Variants in QRICH1 observed in about 807,000 individuals in gnomAD.
QRICH1 encodes transcriptional regulator QRICH1.
Under a neutral mutation model 87.1 loss-of-function variants are expected in QRICH1, and 16 were observed. That is an observed-to-expected ratio of 0.18 (90% CI 0.12 to 0.28). QRICH1 has a LOEUF of 0.28. Ranked by LOEUF, QRICH1 falls within the 10% of genes least tolerant of loss-of-function variation. The pLI is 1.00. For synonymous variants in QRICH1, 367 were observed against 368.4 expected, an observed-to-expected ratio of 1.00 and a Z score of 0.05; for missense variants, 647 against 951.7, an observed-to-expected ratio of 0.68 and a Z score of 4.21.
chr3:49,088,854 GCT>G (rs2042220220), intron 1 of QRICH1, among the ~76,000 whole-genome samples: 1 of 151,202 alleles, frequency 6.6e-6, no homozygotes, highest in Non-Finnish European at 1.5e-5. Flanking sequence ...CAACTCCGGG[GCT>G]CAAGCAATCC....
At chr3:49,066,047 G>A (rs1372909178) in intron 2 of QRICH1, among the ~76,000 whole-genome samples, 1 of 152,142 alleles carries the variant, frequency 6.6e-6, no homozygotes, top group African/African-American at 2.4e-5. Context: ...CACTTTGGGA[G>A]GCTAAAGCTG....
In QRICH1 at chr3:49,030,516, C is replaced by T; in HGVS notation, c.2267G>A (p.Arg756Gln). 6.2e-7 allele frequency: 1 copy of T among 1,614,060 alleles called. No individual in the cohort carries two copies. The highest frequency in any genetic ancestry group is 8.5e-7 in the Non-Finnish European group (1 of 1,180,026). ...CTGAATTTCTCTTATCACCAGGATCCGCGTCAGCATTTGTCCCATCTGCTC... is the reference window on the plus strand; with the variant it reads ...CTGAATTTCTCTTATCACCAGGATCTGCGTCAGCATTTGTCCCATCTGCTC... ...SREQMGQMLTRILVIREIQEA... is the reference protein window; with the variant it reads ...SREQMGQMLTQILVIREIQEA... Residue 756 changes from arginine to glutamine, a missense_variant, in exon 10 of 10, where the codon CGG becomes CAG. Around this residue, in one of 7 missense-constraint regions of QRICH1, gnomAD observed 56 missense variants for 79.4 expected, o/e 0.71. Coordinates refer to ENST00000395443, the MANE Select transcript of QRICH1 (RefSeq NM_198880.3).
intron 2 of QRICH1, among the ~76,000 whole-genome samples, chr3:49,075,924 C>G (rs1167704095): frequency 6.6e-6 from 1 of 151,834 alleles, no homozygotes; most frequent in East Asian, 1.9e-4. Context: ...GAATGAGACT[C>G]TGTCTCAAAA....
At chr3:49,031,061 A>C in intron 9 of QRICH1, among the ~76,000 whole-genome samples, 1 of 142,018 alleles carries the variant, frequency 7.0e-6, no homozygotes. Flanking sequence ...ATCTCAGCTC[A>C]CTGCAACCTC....
chr3:49,076,181 T>A (rs1366404607), intron 2 of QRICH1, among the ~76,000 whole-genome samples: 1 of 152,002 alleles, frequency 6.6e-6, no homozygotes, highest in African/African-American at 2.4e-5. Context: ...AGTGCAAGAC[T>A]CCATCTCAAA....
chr3:49,070,871 G>C (rs926482771), intron 2 of QRICH1, among the ~76,000 whole-genome samples: 1 of 152,068 alleles, frequency 6.6e-6, no homozygotes, highest in African/African-American at 2.4e-5. Flanking sequence ...ATAGAGTTTA[G>C]GGAGAAAGAC....
Position 49,057,101 on chromosome 3 carries a change from C to A in QRICH1, c.1099G>T (p.Val367Leu), listed in dbSNP as rs1354171009. ...ACCTCTTCATGGGAGTTTTTCACTA[C>A]AGATGTGGTGCCCACCATCTTCTCC... The part of the protein sequence containing the change: ...DKEKMVGTTS[V>L]VKNSHEEVVQ... The change falls in exon 3 of 10, where the codon GTA becomes TTA. Residue 367 changes from valine (V) to leucine (L), a missense_variant. Val to Leu is a conservative substitution (Grantham distance 32). Around this residue, in one of 7 missense-constraint regions of QRICH1, gnomAD observed 115 missense variants for 126.8 expected, o/e 0.91. Transcript: ENST00000395443. The surrounding 1 kb of genome is among the most constrained non-coding windows in gnomAD (Gnocchi z 5.4). The A allele has an allele frequency of 6.2e-7, 1 of 1,614,246 alleles. No homozygotes were observed. Among genetic ancestry groups the A allele is most frequent in the Non-Finnish European group, 8.5e-7 (1 of 1,180,050 alleles).
chr3:49,087,384 T>G (rs34889065), intron 1 of QRICH1, among the ~76,000 whole-genome samples: 11,496 of 151,170 alleles, frequency 0.076, 577 homozygotes, highest in Non-Finnish European at 0.11. Flanking sequence ...AAACCCTGTC[T>G]CTACTAAAAA....
At chr3:49,072,265 A>T (rs1371931045) in intron 2 of QRICH1, among the ~76,000 whole-genome samples, 3 of 152,158 alleles carry the variant, frequency 2.0e-5, no homozygotes, top group Admixed American at 6.6e-5. Context: ...TCTGGGCAAC[A>T]GAGTGAGGCT....
At chr3:49,034,795 T>C (rs56004653) in intron 6 of QRICH1, among the ~76,000 whole-genome samples, 9,110 of 152,274 alleles carry the variant, frequency 0.06, 390 homozygotes, top group Non-Finnish European at 0.088. Flanking sequence ...AGCCCCTTCA[T>C]GTGCTGAAGT....
chr3:49,078,072 C>T (rs1207429872), intron 1 of QRICH1, among the ~76,000 whole-genome samples: 1 of 152,156 alleles, frequency 6.6e-6, no homozygotes, highest in African/African-American at 2.4e-5. Flanking sequence ...ACAAAAGTAG[C>T]AGCAGGATGA....
chr3:49,087,569 T>A (rs957340277), intron 1 of QRICH1, among the ~76,000 whole-genome samples: 52 of 149,508 alleles, frequency 3.5e-4, no homozygotes, highest in Admixed American at 8.0e-4. Context: ...AAAATAAATT[T>A]AAAAAAAATA....
chr3:49,093,973 G>A lies in QRICH1; in HGVS notation c.-83C>T, dbSNP rs1312346536. 2.5e-6 allele frequency: 1 copy of A among 403,416 alleles called. No homozygotes were observed. Among genetic ancestry groups the A allele is most frequent in the Non-Finnish European group, 4.3e-6 (1 of 230,226 alleles). The allele number at this position is 403,416 out of a possible 1,614,324, so 25.0% of individuals were successfully genotyped here. On this transcript the variant is annotated 5_prime_UTR_variant, in exon 1 of 10. Transcript: ENST00000395443. ...CTGCACCCGCCGGCCCCGCCGCACCGCCAGGGACCCTGGTTCTGCCGTCGT... is the reference window on the plus strand; with the variant it reads ...CTGCACCCGCCGGCCCCGCCGCACCACCAGGGACCCTGGTTCTGCCGTCGT...
chr3:49,082,456 A>G (rs139035357), intron 1 of QRICH1, among the ~76,000 whole-genome samples: 2 of 152,190 alleles, frequency 1.3e-5, no homozygotes, highest in Non-Finnish European at 2.9e-5. Context: ...AAGTTACTAT[A>G]AGAAACTCTA....
At chr3:49,068,392 A>G (rs1294077571) in intron 2 of QRICH1, among the ~76,000 whole-genome samples, 3 of 151,404 alleles carry the variant, frequency 2.0e-5, no homozygotes, top group Non-Finnish European at 4.4e-5. Flanking sequence ...GGGAGGTTGA[A>G]GTTGCAGTGA....
intron 2 of QRICH1, among the ~76,000 whole-genome samples, chr3:49,068,183 C>T (rs769009985): frequency 1.9e-4 from 29 of 151,768 alleles, no homozygotes; most frequent in Non-Finnish European, 3.2e-4. Flanking sequence ...TAGCAACACC[C>T]CTCTCTCCAC....
chr3:49,044,255 A>C (rs1472916831), intron 6 of QRICH1, 135 bp downstream of exon 6: 2 of 706,212 alleles, frequency 2.8e-6, no homozygotes, highest in South Asian at 3.7e-5. Context: ...GGCAAGTAGC[A>C]CAGTGGCCAA....
chr3:49,035,707 G>A (rs1559924203), intron 6 of QRICH1, among the ~76,000 whole-genome samples: 1 of 151,532 alleles, frequency 6.6e-6, no homozygotes, highest in South Asian at 2.1e-4. Context: ...GTCCCAGCCC[G>A]AGCCCAACAG....
Position 49,063,983 on chromosome 3 carries a change from C to T in QRICH1, c.310-6093G>A, listed in dbSNP as rs192223744. On this transcript the variant is annotated intron_variant, in intron 2 of 9. Coordinates refer to ENST00000395443, the MANE Select transcript of QRICH1 (RefSeq NM_198880.3). The stretch of plus-strand genomic sequence containing the variant: ...GTGCAATGGTGCCATCTCAGCTCAC[C>T]GCAACCTCTGCCTCCCGGGTTCAAG... Among the ~76,000 whole-genome samples, 275 of 152,096 alleles carry T rather than the reference C, an allele frequency of 1.8e-3. 1 individual carries two copies. The highest frequency in any genetic ancestry group is 3.4e-3 in the Non-Finnish European group (230 of 68,014).
Sources: gnomAD v4.1 joint callset for allele counts (sites outside exome capture counted in the v4.1 genomes callset) on GRCh38, gnomAD v4.1.1 for gene constraint, gnomAD v4.1.1 regional missense constraint, Gnocchi (gnomAD v3.1) non-coding constraint, MANE v1.5 for transcripts, NCBI Gene and HGNC (gene_info 2026-07-23, HGNC 2026-07-21) for gene names.